Variants in AK4 observed in about 807,000 individuals in gnomAD.
AK4 encodes adenylate kinase 4, also known as adenylate kinase 4, mitochondrial.
A neutral mutation model predicts 24.6 loss-of-function variants in AK4; 13 were observed. That is an observed-to-expected ratio of 0.53 (90% CI 0.34 to 0.84). The LOEUF (loss-of-function observed/expected upper bound fraction) is 0.84, where lower values mean the gene tolerates loss of function less well. AK4 is among the 40% of genes least tolerant of loss of function. The pLI is 0.01. For missense variants in AK4, 192 were observed against 288.2 expected, an observed-to-expected ratio of 0.67 and a Z score of 2.42; for synonymous variants, 88 against 107.0, an observed-to-expected ratio of 0.82 and a Z score of 1.10.
Position 65,182,357 on chromosome 1 carries a change from C to T in AK4, c.146-8353C>T, listed in dbSNP as rs76283308. 7.6e-3 allele frequency among the ~76,000 whole-genome samples: 1,162 copies of T among 152,148 alleles called. 14 individuals carry two copies. Among genetic ancestry groups the T allele is most frequent in the African/African-American group, 0.027 (1,103 of 41,522 alleles). ...TGAGTGATTGGAGTGGCTTTGGAAT[C>T]GAGGTGATGATCTGGGGTGAAACAG... is the stretch of plus-strand genomic sequence containing the variant. On this transcript the variant is annotated intron_variant, in intron 1 of 4. Coordinates refer to ENST00000327299, the MANE Select transcript of AK4 (RefSeq NM_013410.4).
Position 65,214,716 on chromosome 1 carries a change from C to G in AK4, c.266-4038C>G, listed in dbSNP as rs147838273. On this transcript the variant is annotated intron_variant, in intron 2 of 4. Transcript: ENST00000327299. ...TTTGACTTATTTCTGGTCCATTGTTCTTACTAATATACCATGCTTGCCTCC... is the reference window on the plus strand; with the variant it reads ...TTTGACTTATTTCTGGTCCATTGTTGTTACTAATATACCATGCTTGCCTCC... Among the ~76,000 whole-genome samples, 456 of 152,260 alleles carry G rather than the reference C, an allele frequency of 3.0e-3. 4 individuals are homozygous for G. The highest frequency in any genetic ancestry group is 0.01 in the African/African-American group (432 of 41,534).
At chr1:65,158,918 C>T (rs771919339) in intron 1 of AK4, among the ~76,000 whole-genome samples, 2 of 152,164 alleles carry the variant, frequency 1.3e-5, no homozygotes, top group Non-Finnish European at 2.9e-5. Flanking sequence ...GCCTTTAAGA[C>T]ATAGTACAAA....
At chr1:65,190,463 G>T (rs1388507346) in intron 1 of AK4, among the ~76,000 whole-genome samples, 1 of 130,400 alleles carries the variant, frequency 7.7e-6, no homozygotes, top group African/African-American at 2.7e-5. Flanking sequence ...GGGGGGGCGG[G>T]AGGAGGGGTG....
Position 65,188,820 on chromosome 1 carries a change from G to A in AK4, c.146-1890G>A, listed in dbSNP as rs184687434. On this transcript the variant is annotated intron_variant, in intron 1 of 4. Coordinates refer to ENST00000327299, the MANE Select transcript of AK4 (RefSeq NM_013410.4). ...GAGATGGAGTCTCGCTGTCGCCTGG[G>A]CTGAAATGCAGTGGCACGATCTTGG... Among the ~76,000 whole-genome samples, 17 of 151,964 alleles carry A rather than the reference G, an allele frequency of 1.1e-4. No homozygotes were observed. In the East Asian group the frequency reaches 2.1e-3, roughly 19 times the overall value.
intron 3 of AK4, 82 bp from the exon 4 acceptor site, chr1:65,224,670 C>A: frequency 1.9e-6 from 2 of 1,029,868 alleles, no homozygotes; most frequent in Non-Finnish European, 3.0e-6. Flanking sequence ...AAGATGAATA[C>A]ATGGTTTTGC....
intron 1 of AK4, chr1:65,154,728 A>T: frequency 3.7e-6 from 1 of 266,950 alleles, no homozygotes; most frequent in South Asian, 4.0e-5. Context: ...TAAAATAAAC[A>T]TTCAAACAAA....
Position 65,166,310 on chromosome 1 carries a change from CTGTGTGTGTGTG to C in AK4, c.145+17788_145+17799del, listed in dbSNP as rs34870729. 4.6e-3 allele frequency among the ~76,000 whole-genome samples: 654 copies of C among 143,114 alleles called. 4 individuals are homozygous for C. Among genetic ancestry groups the C allele is most frequent in the African/African-American group, 0.015 (603 of 38,958 alleles). The allele number at this position is 143,114 out of a possible 152,430, so 93.9% of individuals were successfully genotyped here. On this transcript the variant is annotated intron_variant, in intron 1 of 4. Transcript: ENST00000327299. ...GAAGCACAATCCAGTGGGATTTAAG[CTGTGTGTGTGTG>C]TGTGTGTGTGTGTGTGTGTGTGTGT... is the stretch of plus-strand genomic sequence containing the variant.
chr1:65,170,954 CTTTTTTTTTTT>C (rs36098576), intron 1 of AK4, among the ~76,000 whole-genome samples: 1 of 109,034 alleles, frequency 9.2e-6, no homozygotes, highest in Non-Finnish European at 1.7e-5. Context: ...TGTCTTCTTC[CTTTTTTTTTTT>C]TTTTTTTTTT....
At chr1:65,207,097 TA>T (rs1331874382) in intron 2 of AK4, among the ~76,000 whole-genome samples, 1 of 152,238 alleles carries the variant, frequency 6.6e-6, no homozygotes, top group Non-Finnish European at 1.5e-5. Context: ...ACTTGTGGTT[TA>T]AAACCAAATT....
chr1:65,184,478 C>A (rs1348419646), intron 1 of AK4, among the ~76,000 whole-genome samples: 1 of 152,014 alleles, frequency 6.6e-6, no homozygotes, highest in Non-Finnish European at 1.5e-5. Context: ...CTTTGGGGCA[C>A]CCTATATTTA....
chr1:65,169,208 A>G (rs1412110765), intron 1 of AK4, among the ~76,000 whole-genome samples: 1 of 151,942 alleles, frequency 6.6e-6, no homozygotes, highest in Non-Finnish European at 1.5e-5. Context: ...AGAAAAGAAA[A>G]GAAAAAAACA....
intron 2 of AK4, among the ~76,000 whole-genome samples, chr1:65,213,001 G>C (rs1652018842): frequency 6.6e-6 from 1 of 152,204 alleles, no homozygotes; most frequent in African/African-American, 2.4e-5. Flanking sequence ...ATGTAGTCCA[G>C]CTCCTTCCAA....
chr1:65,220,602 A>AG (rs1652267476), intron 3 of AK4, among the ~76,000 whole-genome samples: 4 of 152,058 alleles, frequency 2.6e-5, no homozygotes, highest in Admixed American at 2.6e-4. Flanking sequence ...CAGCCTCCTG[A>AG]GTAGCTGGGA....
rs551700025 is a variant in AK4 at position 65,195,912 on chromosome 1, T to A, written c.265+5083T>A. Among the ~76,000 whole-genome samples the A allele has an allele frequency of 1.6e-4, 25 of 152,310 alleles. 1 individual carries two copies. The highest frequency in any genetic ancestry group is 3.4e-4 in the Non-Finnish European group (23 of 68,012). ...AATGTTTTCTCTATCTTTTCAGTGCTTGCTTTTGCCATGACTTCCTCTCAG... is the reference window on the plus strand; with the variant it reads ...AATGTTTTCTCTATCTTTTCAGTGCATGCTTTTGCCATGACTTCCTCTCAG... On this transcript the variant is annotated intron_variant, in intron 2 of 4. Transcript: ENST00000327299.
At chr1:65,220,673 A>G (rs79727680) in intron 3 of AK4, among the ~76,000 whole-genome samples, 1 of 152,030 alleles carries the variant, frequency 6.6e-6, no homozygotes, top group Non-Finnish European at 1.5e-5. Context: ...ACAGGGTTTC[A>G]CTATGCTAGC....
chr1:65,199,844 T>C (rs1358555503), intron 2 of AK4, among the ~76,000 whole-genome samples: 3 of 152,196 alleles, frequency 2.0e-5, no homozygotes, highest in Non-Finnish European at 4.4e-5. Flanking sequence ...TCTGAGATGC[T>C]CCAATAGGCA....
intron 1 of AK4, among the ~76,000 whole-genome samples, chr1:65,165,602 G>A (rs1470448839): frequency 6.6e-6 from 1 of 151,770 alleles, no homozygotes; most frequent in Non-Finnish European, 1.5e-5. Flanking sequence ...ATCTAGAGTT[G>A]GAGGAATTAT....
chr1:65,181,400 CTTTT>C (rs111683862), intron 1 of AK4, among the ~76,000 whole-genome samples: 2 of 142,464 alleles, frequency 1.4e-5, no homozygotes, highest in African/African-American at 5.1e-5. Flanking sequence ...AGAATTAAGC[CTTTT>C]TTTTTTTTTT....
chr1:65,192,884 C>T (rs764680389), intron 2 of AK4, among the ~76,000 whole-genome samples: 34 of 152,226 alleles, frequency 2.2e-4, no homozygotes, highest in Non-Finnish European at 4.0e-4. Flanking sequence ...ATTCTGCCTC[C>T]TGGGCACACT....
Sources: gnomAD v4.1 joint callset for allele counts (sites outside exome capture counted in the v4.1 genomes callset) on GRCh38, gnomAD v4.1.1 for gene constraint, MANE v1.5 for transcripts, NCBI Gene and HGNC (gene_info 2026-07-23, HGNC 2026-07-21) for gene names.